TBC1D12: variants seen among roughly 807,000 people sequenced by gnomAD.
The protein encoded by TBC1D12 is TBC1 domain family, member 12.
TBC1D12 carries 56 observed loss-of-function variants against 86.7 expected under a neutral mutation model. That is an observed-to-expected ratio of 0.65 (90% CI 0.52 to 0.81). The LOEUF (loss-of-function observed/expected upper bound fraction) is 0.81, where lower values mean the gene tolerates loss of function less well. TBC1D12 is among the 30% of genes least tolerant of loss of function. The pLI is 0.00. For missense variants in TBC1D12, 1,023 were observed against 1,038.8 expected, an observed-to-expected ratio of 0.98 and a Z score of 0.21; for synonymous variants, 421 against 411.7, an observed-to-expected ratio of 1.02 and a Z score of -0.27.
chr10:94,496,936 C>T, intron 4 of TBC1D12, 119 bp from the exon 5 acceptor site: 1 of 485,332 alleles, frequency 2.1e-6, no homozygotes, highest in South Asian at 4.6e-5. Context: ...TATTTCCTTC[C>T]TTCCTCTTAT....
At chr10:94,432,456 G>A (rs536070633) in intron 1 of TBC1D12, among the ~76,000 whole-genome samples, 2 of 152,074 alleles carry the variant, frequency 1.3e-5, no homozygotes, top group Non-Finnish European at 2.9e-5. Context: ...TTCATTGCAG[G>A]TATATGCCAT....
chr10:94,487,694 C>CTTTTTT (rs35682157), intron 3 of TBC1D12, among the ~76,000 whole-genome samples: 3 of 127,336 alleles, frequency 2.4e-5, no homozygotes, highest in Non-Finnish European at 5.0e-5. Flanking sequence ...TGTTGTTTCT[C>CTTTTTT]TTTTTTTTTT....
At chr10:94,443,750 C>A (rs1361556809) in intron 2 of TBC1D12, among the ~76,000 whole-genome samples, 1 of 152,044 alleles carries the variant, frequency 6.6e-6, no homozygotes, top group African/African-American at 2.4e-5. Context: ...TGATAAAAAC[C>A]AGATACTGTA....
At chr10:94,445,113 C>A (rs1327706305) in intron 2 of TBC1D12, among the ~76,000 whole-genome samples, 1 of 149,528 alleles carries the variant, frequency 6.7e-6, no homozygotes, top group Non-Finnish European at 1.5e-5. Context: ...GTAATCCCAG[C>A]ACTTTGGGAG....
intron 11 of TBC1D12, among the ~76,000 whole-genome samples, chr10:94,523,312 T>C (rs1461845231): frequency 6.6e-6 from 1 of 151,942 alleles, no homozygotes; most frequent in African/African-American, 2.4e-5. Flanking sequence ...TCTTGAGTTG[T>C]AGCGAGGGTG....
chr10:94,405,046 C>T (rs1473252219), intron 1 of TBC1D12, among the ~76,000 whole-genome samples: 1 of 112,338 alleles, frequency 8.9e-6, no homozygotes, highest in Admixed American at 9.1e-5. Flanking sequence ...AGACTTCTCT[C>T]AAAAAAAAAA....
At chr10:94,465,855 C>G (rs960928420) in intron 2 of TBC1D12, among the ~76,000 whole-genome samples, 5 of 150,866 alleles carry the variant, frequency 3.3e-5, no homozygotes, top group African/African-American at 1.2e-4. Flanking sequence ...TACGTACATG[C>G]ATACATACAT....
intron 2 of TBC1D12, among the ~76,000 whole-genome samples, chr10:94,460,459 G>T (rs976313174): frequency 2.6e-5 from 4 of 151,830 alleles, no homozygotes; most frequent in African/African-American, 9.7e-5. Flanking sequence ...TTGCATTTCT[G>T]AGGATAAGTT....
At chr10:94,507,484 G>T (rs2056474328) in intron 7 of TBC1D12, 137 bp downstream of exon 7, 4 of 801,150 alleles carry the variant, frequency 5.0e-6, no homozygotes, top group Admixed American at 3.6e-5. Flanking sequence ...CTAGAAAAAA[G>T]ACTTGATTTA....
At chr10:94,432,466 T>A (rs778950440) in intron 1 of TBC1D12, among the ~76,000 whole-genome samples, 4 of 152,128 alleles carry the variant, frequency 2.6e-5, no homozygotes, top group Non-Finnish European at 4.4e-5. Context: ...GTATATGCCA[T>A]TTTGCTGTAT....
At chr10:94,432,281 T>C (rs2055228019) in intron 1 of TBC1D12, among the ~76,000 whole-genome samples, 1 of 152,150 alleles carries the variant, frequency 6.6e-6, no homozygotes, top group Admixed American at 6.5e-5. Context: ...CGTCAAAAGA[T>C]GACACATTTT....
intron 1 of TBC1D12, among the ~76,000 whole-genome samples, chr10:94,438,875 C>T (rs2055341563): frequency 6.6e-6 from 1 of 151,978 alleles, no homozygotes; most frequent in African/African-American, 2.4e-5. Context: ...GCGATCTCAG[C>T]TCACTGCAAC....
intron 1 of TBC1D12, among the ~76,000 whole-genome samples, chr10:94,425,963 T>C (rs1173089373): frequency 1.3e-5 from 2 of 152,178 alleles, no homozygotes; most frequent in African/African-American, 4.8e-5. Context: ...TTTCACTTTC[T>C]AACTATTCAT....
At chr10:94,497,916 G>A (rs2056345773) in intron 5 of TBC1D12, among the ~76,000 whole-genome samples, 2 of 148,498 alleles carry the variant, frequency 1.3e-5, no homozygotes, top group African/African-American at 2.5e-5. Context: ...TCCGCCTCCC[G>A]GGTTCATGCC....
chr10:94,521,121 G>C (rs1349476724), intron 9 of TBC1D12, among the ~76,000 whole-genome samples: 2 of 151,278 alleles, frequency 1.3e-5, no homozygotes, highest in Admixed American at 1.3e-4. Flanking sequence ...TGAGGCAGGA[G>C]GATAGCTGGA....
At chr10:94,452,598 C>T (rs1212354119) in intron 2 of TBC1D12, among the ~76,000 whole-genome samples, 1 of 152,086 alleles carries the variant, frequency 6.6e-6, no homozygotes, top group African/African-American at 2.4e-5. Flanking sequence ...TCTTCCATGC[C>T]TTTCCATGGC....
intron 1 of TBC1D12, among the ~76,000 whole-genome samples, chr10:94,414,556 C>T (rs368671715): frequency 1.5e-4 from 22 of 151,308 alleles, no homozygotes; most frequent in African/African-American, 4.9e-4. Context: ...ACTTCCCTAA[C>T]GTCCCTGTCT....
At chr10:94,486,775 T>C (rs1319391756) in intron 3 of TBC1D12, among the ~76,000 whole-genome samples, 1 of 152,226 alleles carries the variant, frequency 6.6e-6, no homozygotes, top group Non-Finnish European at 1.5e-5. Context: ...AGGAGAAGAA[T>C]GCATATTCAG....
rs78534050 is a variant in TBC1D12 at position 94,415,228 on chromosome 10, A to T, written c.971+11644A>T. On this transcript the variant is annotated intron_variant, in intron 1 of 12. Coordinates refer to ENST00000225235, the MANE Select transcript of TBC1D12 (RefSeq NM_015188.2). The stretch of plus-strand genomic sequence containing the variant: ...TAAATAAGGAAAACATCCCAACTGA[A>T]TAAGTAGTTTCTGTATTTTTGAAGA... Among the ~76,000 whole-genome samples, 392 of 152,336 alleles carry T rather than the reference A, an allele frequency of 2.6e-3. 10 individuals carry two copies. The East Asian group carries it at 0.06, about 23-fold the overall frequency.
Sources: gnomAD v4.1 joint callset for allele counts (sites outside exome capture counted in the v4.1 genomes callset) on GRCh38, gnomAD v4.1.1 for gene constraint, MANE v1.5 for transcripts, NCBI Gene and HGNC (gene_info 2026-07-23, HGNC 2026-07-21) for gene names.